The following TENM4 variants were observed in gnomAD, a reference collection of about 807,000 sequenced individuals.
TENM4 encodes teneurin transmembrane protein 4.
TENM4 carries 82 observed loss-of-function variants against 243.3 expected under a neutral mutation model. The observed-to-expected ratio is 0.34, with a 90% CI of 0.28 to 0.40. The LOEUF (loss-of-function observed/expected upper bound fraction) is 0.40, where lower values mean the gene tolerates loss of function less well. TENM4 is among the 10% of genes least tolerant of loss of function. The pLI, the probability that TENM4 is intolerant of heterozygous loss-of-function variation, is 1.00. For synonymous variants in TENM4, 1,412 were observed against 1,456.3 expected (o/e 0.97, Z 0.69); for missense variants, 3,138 against 3,673.3 (o/e 0.85, Z 3.77).
rs577851319 is a variant in TENM4 at position 79,049,265 on chromosome 11, G to A, written c.493+15473C>T. Among the ~76,000 whole-genome samples, 5 of 152,296 alleles carry A rather than the reference G, an allele frequency of 3.3e-5. No homozygotes were observed. The South Asian group carries it at 6.2e-4, about 19-fold the overall frequency. ...CCCACTGTGAGAGTCATTTGGACAC[G>A]GCTCTTCCCCCCTACTCAGGACGCA... On this transcript the variant is annotated intron_variant, in intron 6 of 33. Transcript: ENST00000278550.
intron 3 of TENM4, among the ~76,000 whole-genome samples, chr11:79,154,225 A>G (rs1862560650): frequency 6.6e-6 from 1 of 152,098 alleles, no homozygotes; most frequent in Non-Finnish European, 1.5e-5. Flanking sequence ...TGAGGGCCTC[A>G]GGAAGCTTCC....
At chr11:79,292,560 C>T (rs1453754253) in intron 2 of TENM4, among the ~76,000 whole-genome samples, 2 of 152,232 alleles carry the variant, frequency 1.3e-5, no homozygotes, top group African/African-American at 4.8e-5. Flanking sequence ...CATAGCCCTG[C>T]ATTAGAAGGC....
intron 6 of TENM4, among the ~76,000 whole-genome samples, chr11:79,017,958 G>C (rs1158577314): frequency 6.6e-6 from 1 of 152,182 alleles, no homozygotes; most frequent in Non-Finnish European, 1.5e-5. Flanking sequence ...ATGTTAACAG[G>C]TCCTGCTGGA....
At chr11:79,391,195 C>T (rs559036216) in intron 1 of TENM4, among the ~76,000 whole-genome samples, 199 of 152,162 alleles carry the variant, frequency 1.3e-3, no homozygotes, top group African/African-American at 4.5e-3. Flanking sequence ...TGGAACAATG[C>T]CTGGCAATAG....
rs1026925582 is a variant in TENM4 at position 78,930,840 on chromosome 11, A to G, written c.494-27317T>C. Among the ~76,000 whole-genome samples, 4 of 152,228 alleles carry G rather than the reference A, an allele frequency of 2.6e-5. No individual in the cohort carries two copies. The East Asian group carries it at 5.8e-4, about 22-fold the overall frequency. On this transcript the variant is annotated intron_variant, in intron 6 of 33. Coordinates refer to ENST00000278550, the MANE Select transcript of TENM4 (RefSeq NM_001098816.3). The stretch of plus-strand genomic sequence containing the variant: ...TGGCAATGATTAAAACCAGGCCCTG[A>G]GCGAAGAAAAATTCGACACACTCTA...
chr11:78,738,434 C>T lies in TENM4; in HGVS notation c.2876+17G>A. 1 of 1,611,110 alleles carries T rather than the reference C, an allele frequency of 6.2e-7. No individual in the cohort carries two copies. Among genetic ancestry groups the T allele is most frequent in the Non-Finnish European group, 8.5e-7 (1 of 1,178,572 alleles). The stretch of plus-strand genomic sequence containing the variant: ...AGCGGGACCTTCACTGTTTCTGGCT[C>T]ATAGAAGGTCTCCTACCTGCCATCT... On this transcript the variant is annotated intron_variant, in intron 20 of 33. Transcript: ENST00000278550.
chr11:79,065,082 C>A (rs1424294526), intron 5 of TENM4, 75 bp from the exon 6 acceptor site: 2 of 1,426,092 alleles, frequency 1.4e-6, no homozygotes, highest in Non-Finnish European at 1.8e-6. Context: ...GAAGCCTGGC[C>A]TTCTTACCCC....
intron 4 of TENM4, among the ~76,000 whole-genome samples, chr11:79,073,047 T>G (rs1860457694): frequency 6.6e-6 from 1 of 152,096 alleles, no homozygotes; most frequent in Admixed American, 6.5e-5. Flanking sequence ...AATTGTGAGG[T>G]TAAGTATGCT....
Position 78,702,304 on chromosome 11 carries a change from G to A in TENM4, c.4309C>T (p.Gln1437Ter). 6.2e-7 allele frequency: 1 copy of A among 1,614,016 alleles called. No individual in the cohort carries two copies. The highest frequency in any genetic ancestry group is 1.1e-5 in the South Asian group (1 of 91,074). The change falls in exon 28 of 34, where the codon CAG becomes TAG. Residue 1437 changes from glutamine to a stop codon, truncating the protein, a stop_gained. Transcript: ENST00000278550. LOFTEE classifies it high-confidence loss of function. ...NVVLQISENH[Q>*]VRIVAGRPMH... ...GGCCTCCCGGCGACAATGCGCACCT[G>A]GTGGTTTTCAGAGATTTGCAGGACC... is the stretch of plus-strand genomic sequence containing the variant.
chr11:78,818,414 A>T (rs1246405878), intron 12 of TENM4, among the ~76,000 whole-genome samples: 2 of 152,260 alleles, frequency 1.3e-5, no homozygotes, highest in African/African-American at 4.8e-5. Flanking sequence ...ACCTGACAGC[A>T]TAGAAGCCTG....
At chr11:78,690,667 C>T (rs868089731) in intron 28 of TENM4, among the ~76,000 whole-genome samples, 3 of 152,170 alleles carry the variant, frequency 2.0e-5, no homozygotes, top group African/African-American at 7.2e-5. Flanking sequence ...TAGGGTACTC[C>T]AAGTTTTTGA....
At chr11:79,260,617 G>T (rs917278722) in intron 2 of TENM4, among the ~76,000 whole-genome samples, 1 of 152,140 alleles carries the variant, frequency 6.6e-6, no homozygotes, top group Non-Finnish European at 1.5e-5. Flanking sequence ...CTTCCCTGTT[G>T]CCCAGTATGC....
At chr11:79,202,476 G>A (rs182712103) in intron 3 of TENM4, among the ~76,000 whole-genome samples, 2 of 152,316 alleles carry the variant, frequency 1.3e-5, no homozygotes, top group Non-Finnish European at 2.9e-5. Context: ...AAGAAAGGAA[G>A]GAAAAGAAAA....
chr11:78,966,734 T>C (rs779599492), intron 6 of TENM4, among the ~76,000 whole-genome samples: 1 of 152,114 alleles, frequency 6.6e-6, no homozygotes. Context: ...GCCTAAAGCC[T>C]TCATCCTTCA....
chr11:79,162,193 C>A (rs1369245709), intron 3 of TENM4, among the ~76,000 whole-genome samples: 2 of 152,190 alleles, frequency 1.3e-5, no homozygotes, highest in Admixed American at 1.3e-4. Context: ...TGGTGGAGGG[C>A]AGTGGTCAAG....
At chr11:78,855,057 T>C (rs1455867079) in intron 11 of TENM4, among the ~76,000 whole-genome samples, 1 of 152,190 alleles carries the variant, frequency 6.6e-6, no homozygotes, top group Non-Finnish European at 1.5e-5. Context: ...GTTATCTAGC[T>C]AGCTAGCTAG....
intron 9 of TENM4, among the ~76,000 whole-genome samples, chr11:78,887,943 A>T (rs542477705): frequency 3.9e-5 from 6 of 152,196 alleles, no homozygotes; most frequent in Non-Finnish European, 5.9e-5. Context: ...CCAGAAGTCT[A>T]CTCACTTATG....
intron 1 of TENM4, chr11:79,439,106 G>C (rs1408522250): frequency 6.6e-6 from 1 of 151,526 alleles, no homozygotes; most frequent in Admixed American, 6.6e-5. Context: ...TCAGAGCTCA[G>C]TACATGGGCA....
intron 1 of TENM4, among the ~76,000 whole-genome samples, chr11:79,298,325 C>A (rs1856490496): frequency 6.6e-6 from 1 of 151,832 alleles, no homozygotes; most frequent in Admixed American, 6.6e-5. Flanking sequence ...ACCATCCTGG[C>A]TAACAAGGTG....
Sources: allele counts gnomAD v4.1 joint callset (sites outside exome capture counted in the v4.1 genomes callset), GRCh38; gene constraint gnomAD v4.1.1; transcripts MANE v1.5; gene names NCBI Gene and HGNC (gene_info 2026-07-23, HGNC 2026-07-21).